The following ELF5 variants were observed in gnomAD, a reference collection of about 807,000 sequenced individuals.
ELF5 encodes E74 like ETS transcription factor 5.
In ELF5, 31 loss-of-function variants were observed where a neutral mutation model predicts 38.2. The observed-to-expected ratio is 0.81, with a 90% CI of 0.61 to 1.10. ELF5 has a LOEUF of 1.10. Among genes scored for constraint, ELF5 ranks in the 50% least tolerant of loss-of-function variants. The probability of loss-of-function intolerance (pLI) is 0.00; values close to 1 mark genes in which losing one functional copy is unlikely to be tolerated. For synonymous variants in ELF5, 121 were observed against 112.5 expected, an observed-to-expected ratio of 1.08 and a Z score of -0.48; for missense variants, 300 against 306.6, an observed-to-expected ratio of 0.98 and a Z score of 0.16.
intron 1 of ELF5, among the ~76,000 whole-genome samples, chr11:34,508,762 A>G (rs1471467913): frequency 1.3e-5 from 2 of 152,200 alleles, no homozygotes; most frequent in Non-Finnish European, 2.9e-5. Flanking sequence ...CCACCATTTT[A>G]CAGTTGAGGA....
chr11:34,508,120 T>C (rs1479943408), intron 1 of ELF5, among the ~76,000 whole-genome samples: 1 of 152,220 alleles, frequency 6.6e-6, no homozygotes. Flanking sequence ...TAAAAATGGT[T>C]CATGCGCCAC....
At position 34,493,564 on chromosome 11, in the gene ELF5, G is replaced by C. The variant is rs1056420451; in HGVS notation, c.270C>G (p.Cys90Trp). 21 of 1,614,090 alleles carry C rather than the reference G, an allele frequency of 1.3e-5. No homozygotes were observed. The highest frequency in any genetic ancestry group is 1.7e-5 in the Non-Finnish European group (20 of 1,180,064). The change falls in exon 3 of 7, where the codon TGC becomes TGG. Residue 90 changes from cysteine (C) to tryptophan (W), a missense_variant. Coordinates refer to ENST00000257832, the MANE Select transcript of ELF5 (RefSeq NM_001422.4). ...CNFNISGLQL[C>W]SMTQEEFVEA... ...CGACGAACTCCTCCTGTGTCATGCT[G>C]CACAGCTGCAGGCCACTGATGTTGA...
At chr11:34,508,846 G>T (rs778492565) in intron 1 of ELF5, among the ~76,000 whole-genome samples, 10 of 152,214 alleles carry the variant, frequency 6.6e-5, no homozygotes, top group Non-Finnish European at 1.3e-4. Context: ...AAGTGGCAGG[G>T]AGGTCCTTAG....
intron 3 of ELF5, chr11:34,492,064 G>A (rs543919439): frequency 6.6e-6 from 1 of 152,338 alleles, no homozygotes; most frequent in African/African-American, 2.4e-5. Context: ...CCTCTCTGTG[G>A]CCCTAGGATT....
chr11:34,481,057 C>G, intron 5 of ELF5, 90 bp from the exon 6 acceptor site: 1 of 1,092,510 alleles, frequency 9.2e-7, no homozygotes, highest in Non-Finnish European at 1.2e-6. Flanking sequence ...GAGTCTTGCT[C>G]TGTCGCCCAG....
chr11:34,511,711 G>T, intron 1 of ELF5: 1 of 1,001,618 alleles, frequency 1.0e-6, no homozygotes, highest in South Asian at 1.5e-5. Flanking sequence ...ATCAGAGGCA[G>T]CAATAACAGG....
intron 2 of ELF5, among the ~76,000 whole-genome samples, chr11:34,497,590 G>T (rs1175882724): frequency 6.6e-6 from 1 of 152,216 alleles, no homozygotes; most frequent in Non-Finnish European, 1.5e-5. Context: ...TGCCCGCAGG[G>T]TCAGCAGATA....
chr11:34,482,935 A>C (rs555843279), intron 4 of ELF5, among the ~76,000 whole-genome samples: 1 of 152,198 alleles, frequency 6.6e-6, no homozygotes, highest in African/African-American at 2.4e-5. Flanking sequence ...GTGCTGATTT[A>C]ACTAATAACT....
intron 4 of ELF5, among the ~76,000 whole-genome samples, chr11:34,483,991 G>A (rs139135341): frequency 2.6e-5 from 4 of 151,296 alleles, no homozygotes; most frequent in African/African-American, 9.7e-5. Flanking sequence ...ACACTATACT[G>A]TACTATACTA....
At chr11:34,498,475 T>G (rs1850370910) in intron 2 of ELF5, among the ~76,000 whole-genome samples, 1 of 152,224 alleles carries the variant, frequency 6.6e-6, no homozygotes, top group Non-Finnish European at 1.5e-5. Flanking sequence ...AGCTAATTTG[T>G]CTTTGCATTG....
intron 3 of ELF5, 50 bp downstream of exon 3, chr11:34,493,429 G>T: frequency 1.9e-6 from 3 of 1,543,714 alleles, no homozygotes; most frequent in South Asian, 1.2e-5. Context: ...AAAGTTGTTT[G>T]GTCCTAATCC....
intron 3 of ELF5, among the ~76,000 whole-genome samples, chr11:34,490,641 C>G (rs113558176): frequency 9.9e-5 from 15 of 152,152 alleles, no homozygotes; most frequent in African/African-American, 3.4e-4. Context: ...GATGTCAGGA[C>G]CTTGGTTCTC....
chr11:34,489,643 T>C (rs1422256846), intron 4 of ELF5, among the ~76,000 whole-genome samples: 2 of 152,184 alleles, frequency 1.3e-5, no homozygotes, highest in Non-Finnish European at 2.9e-5. Context: ...AGGCTTCTAA[T>C]AGTATTATTA....
intron 4 of ELF5, among the ~76,000 whole-genome samples, chr11:34,488,550 A>G (rs1850070676): frequency 1.3e-5 from 2 of 152,238 alleles, no homozygotes; most frequent in South Asian, 2.1e-4. Flanking sequence ...CACTCAATAA[A>G]TGCTAGCTGT....
intron 1 of ELF5, among the ~76,000 whole-genome samples, chr11:34,511,353 C>G (rs1488553637): frequency 6.6e-6 from 1 of 152,206 alleles, no homozygotes; most frequent in African/African-American, 2.4e-5. Flanking sequence ...CCCAGCCTAG[C>G]TGGGTACCTT....
chr11:34,493,467 C>T lies in ELF5; in HGVS notation c.355+12G>A, dbSNP rs745855755. 5.6e-6 allele frequency: 9 copies of T among 1,611,506 alleles called. No individual in the cohort carries two copies. The highest frequency in any genetic ancestry group is 6.8e-6 in the Non-Finnish European group (8 of 1,178,746). The stretch of plus-strand genomic sequence containing the variant: ...GTCCCTCCCCTGGAGGTCTGGCCCT[C>T]TGAACACTGACCTTGTGTGCGGATG... On this transcript the variant is annotated intron_variant, in intron 3 of 6. Transcript: ENST00000257832.
intron 2 of ELF5, among the ~76,000 whole-genome samples, chr11:34,499,124 T>A (rs1428128640): frequency 6.6e-6 from 1 of 152,130 alleles, no homozygotes; most frequent in African/African-American, 2.4e-5. Flanking sequence ...GACATGTCCT[T>A]TGGCCATCTC....
At chr11:34,511,643 A>C in intron 1 of ELF5, 1 of 1,592,462 alleles carries the variant, frequency 6.3e-7, no homozygotes, top group Non-Finnish European at 8.6e-7. Context: ...CCAAATGCAC[A>C]CAGAGAGGGT....
intron 1 of ELF5, among the ~76,000 whole-genome samples, chr11:34,508,234 G>T (rs553101422): frequency 2.1e-4 from 32 of 152,142 alleles, no homozygotes; most frequent in Non-Finnish European, 3.8e-4. Flanking sequence ...GGGCGCAGTG[G>T]TTTACACCTG....
Sources: gnomAD v4.1 joint callset for allele counts (sites outside exome capture counted in the v4.1 genomes callset) on GRCh38, gnomAD v4.1.1 for gene constraint, MANE v1.5 for transcripts, NCBI Gene and HGNC (gene_info 2026-07-23, HGNC 2026-07-21) for gene names.